Variants in ASB5 observed in about 807,000 individuals in gnomAD.
The protein encoded by ASB5 is ankyrin repeat and SOCS box protein 5.
ASB5 carries 45 observed loss-of-function variants against 42.1 expected under a neutral mutation model. The observed-to-expected ratio is 1.07, with a 90% CI of 0.84 to 1.37. ASB5 has a LOEUF of 1.37. Among genes scored for constraint, ASB5 ranks in the 40% most tolerant of loss-of-function variants. The pLI is 0.00. For synonymous variants in ASB5, 147 were observed against 150.6 expected (o/e 0.98, Z 0.18); for missense variants, 402 against 399.8 (o/e 1.01, Z -0.05).
At chr4:176,267,186 T>C (rs1275880461) in intron 1 of ASB5, among the ~76,000 whole-genome samples, 1 of 152,250 alleles carries the variant, frequency 6.6e-6, no homozygotes, top group Non-Finnish European at 1.5e-5. Context: ...TTTATGATCA[T>C]GTAAGCTGTT....
At chr4:176,267,148 G>T (rs1364042029) in intron 1 of ASB5, among the ~76,000 whole-genome samples, 1 of 152,152 alleles carries the variant, frequency 6.6e-6, no homozygotes, top group African/African-American at 2.4e-5. Flanking sequence ...ATGTGCTACA[G>T]GCCGCCCATG....
intron 1 of ASB5, among the ~76,000 whole-genome samples, chr4:176,248,993 G>T (rs1341619890): frequency 6.6e-6 from 1 of 152,206 alleles, no homozygotes; most frequent in South Asian, 2.1e-4. Context: ...TTGAGACAGA[G>T]TCTTGTTCTG....
chr4:176,271,733 G>A (rs1418153217), upstream of ASB5, among the ~76,000 whole-genome samples: 4 of 151,766 alleles, frequency 2.6e-5, no homozygotes, highest in Non-Finnish European at 5.9e-5. Flanking sequence ...ATCTTAGGGG[G>A]GTGAATATTA....
At chr4:176,273,083 G>A (rs1754500824), upstream of ASB5, among the ~76,000 whole-genome samples, 1 of 151,710 alleles carries the variant, frequency 6.6e-6, no homozygotes, top group Non-Finnish European at 1.5e-5. Flanking sequence ...TGTAGTAGCT[G>A]GGACTACAGG....
chr4:176,241,480 C>T (rs1261148908), intron 1 of ASB5: 62 of 1,535,250 alleles, frequency 4.0e-5, no homozygotes, highest in Non-Finnish European at 5.4e-5. Flanking sequence ...GCCAAATTTC[C>T]ACCATTGCAA....
chr4:176,219,326 TGA>T (rs1301016112), intron 5 of ASB5, among the ~76,000 whole-genome samples: 165 of 106,162 alleles, frequency 1.6e-3, no homozygotes, highest in African/African-American at 5.4e-3. Flanking sequence ...TATATTTGTA[TGA>T]TATATAAATA....
At chr4:176,261,275 AAC>A (rs1192612769) in intron 1 of ASB5, among the ~76,000 whole-genome samples, 5 of 152,184 alleles carry the variant, frequency 3.3e-5, no homozygotes, top group Non-Finnish European at 7.3e-5. Context: ...TACTTCATGA[AAC>A]ACACATAATG....
intron 1 of ASB5, among the ~76,000 whole-genome samples, chr4:176,258,232 G>A (rs191241827): frequency 3.9e-5 from 6 of 152,162 alleles, no homozygotes; most frequent in South Asian, 2.1e-4. Flanking sequence ...CTATGAATCC[G>A]CTCAAGTAGT....
upstream of ASB5, among the ~76,000 whole-genome samples, chr4:176,273,125 A>G (rs1157591722): frequency 6.6e-6 from 1 of 151,624 alleles, no homozygotes; most frequent in Non-Finnish European, 1.5e-5. Context: ...CTTTAAAAAA[A>G]TGTCTGGTAG....
chr4:176,215,521 A>T lies in ASB5; in HGVS notation c.*79T>A. On this transcript the variant is annotated 3_prime_UTR_variant, in exon 7 of 7. Coordinates refer to ENST00000296525, the MANE Select transcript of ASB5 (RefSeq NM_080874.4). ...CACTCACTTTTATCCTATCTTTAGC[A>T]TATTTTTATATGAACTATTCCTTAA... is the stretch of plus-strand genomic sequence containing the variant. The T allele has an allele frequency of 7.0e-7, 1 of 1,432,494 alleles. No homozygotes were observed. The highest frequency in any genetic ancestry group is 2.2e-5 in the Admixed American group (1 of 46,352). 88.7% of individuals were successfully genotyped at this position (1,432,494 alleles called of 1,614,324 possible).
intron 1 of ASB5, among the ~76,000 whole-genome samples, chr4:176,258,082 T>G (rs918670720): frequency 2.0e-5 from 3 of 152,244 alleles, no homozygotes; most frequent in Non-Finnish European, 4.4e-5. Context: ...CCTGTGTTAC[T>G]AAATTATAGG....
At position 176,215,617 on chromosome 4, in the gene ASB5, A is replaced by G; in HGVS notation, c.973T>C (p.Phe325Leu). 6.2e-7 allele frequency: 1 copy of G among 1,612,892 alleles called. No individual in the cohort carries two copies. The highest frequency in any genetic ancestry group is 1.3e-5 in the African/African-American group (1 of 74,980). Reference protein sequence around the residue: ...QLQLPTLLKNFLQYR With the variant: ...QLQLPTLLKNLLQYR ...TTACTGTTTTATCGATACTGTAAGA[A>G]ATTCTTCAGTAACGTTGGCAGCTGG... The change falls in exon 7 of 7, where the codon TTC (phenylalanine) becomes CTC (leucine). Residue 325 changes from phenylalanine (F) to leucine (L), a missense_variant. By Grantham distance (22) the Phe-to-Leu change is conservative (BLOSUM62 0). Coordinates refer to ENST00000296525, the MANE Select transcript of ASB5 (RefSeq NM_080874.4).
At chr4:176,237,447 A>C in intron 1 of ASB5, 1 of 985,920 alleles carries the variant, frequency 1.0e-6, no homozygotes, top group Non-Finnish European at 1.2e-6. Context: ...GTCTGTGACA[A>C]CCAGGTGTCA....
upstream of ASB5, among the ~76,000 whole-genome samples, chr4:176,274,006 A>G (rs1754521323): frequency 6.6e-6 from 1 of 152,158 alleles, no homozygotes; most frequent in South Asian, 2.1e-4. Context: ...AGGTTACTTG[A>G]CCAAAACTAG....
At chr4:176,237,645 G>A in intron 1 of ASB5, 1 of 895,268 alleles carries the variant, frequency 1.1e-6, no homozygotes, top group South Asian at 5.1e-5. Context: ...AAATGCTGGA[G>A]CATTTTCTAT....
At chr4:176,220,832 T>C (rs899119046) in intron 5 of ASB5, among the ~76,000 whole-genome samples, 4 of 152,190 alleles carry the variant, frequency 2.6e-5, no homozygotes, top group Admixed American at 6.5e-5. Context: ...TCATATTCAA[T>C]CTTGAGGATC....
At position 176,215,631 on chromosome 4, in the gene ASB5, G is replaced by A. The variant is rs562003791; in HGVS notation, c.959C>T (p.Thr320Met). The A allele has an allele frequency of 1.4e-5, 23 of 1,612,700 alleles. No homozygotes were observed. In the South Asian group the frequency reaches 2.3e-4, roughly 16 times the overall value. The change falls in exon 7 of 7, where the codon ACG becomes ATG. Residue 320 changes from threonine to methionine, a missense_variant. Coordinates refer to ENST00000296525, the MANE Select transcript of ASB5 (RefSeq NM_080874.4). ...LHLIPQLQLPTLLKNFLQYR is the reference protein window; with the variant it reads ...LHLIPQLQLPMLLKNFLQYR ...ATACTGTAAGAAATTCTTCAGTAAC[G>A]TTGGCAGCTGGAGTTGTGGGATAAG...
At chr4:176,234,496 A>G (rs1753635031) in intron 1 of ASB5, among the ~76,000 whole-genome samples, 1 of 152,122 alleles carries the variant, frequency 6.6e-6, no homozygotes, top group Admixed American at 6.5e-5. Flanking sequence ...CTTCCCCAAC[A>G]TTCATGCTTT....
chr4:176,271,524 A>C (rs543351065), upstream of ASB5, among the ~76,000 whole-genome samples: 1 of 152,206 alleles, frequency 6.6e-6, no homozygotes, highest in Non-Finnish European at 1.5e-5. Context: ...AGCAAGGTCT[A>C]GTTGATTAGC....
Sources: allele counts gnomAD v4.1 joint callset (sites outside exome capture counted in the v4.1 genomes callset), GRCh38; gene constraint gnomAD v4.1.1; transcripts MANE v1.5; gene names NCBI Gene and HGNC (gene_info 2026-07-23, HGNC 2026-07-21).